TBC1D5: variants seen among roughly 807,000 people sequenced by gnomAD.
The protein encoded by TBC1D5 is TBC1 domain family, member 5.
In TBC1D5, 75 loss-of-function variants were observed where a neutral mutation model predicts 100.3. The ratio of observed to expected loss-of-function variants is 0.75; its 90% CI spans 0.62 to 0.91. TBC1D5 has a LOEUF of 0.91. Ranked by LOEUF, TBC1D5 falls within the 40% of genes least tolerant of loss-of-function variation. The pLI is 0.00. For missense variants in TBC1D5, 910 were observed against 942.4 expected, an observed-to-expected ratio of 0.97 and a Z score of 0.45; for synonymous variants, 323 against 325.6, an observed-to-expected ratio of 0.99 and a Z score of 0.09.
chr3:17,379,548 A>G lies in TBC1D5; in HGVS notation c.613-2935T>C, dbSNP rs540325256. On this transcript the variant is annotated intron_variant, in intron 9 of 21. Coordinates refer to ENST00000253692, the Ensembl canonical transcript of TBC1D5. ...TTTGCTGTGGACACAAAAGTGAATG[A>G]AGTGGGCAAGTTCCTAACTTCGATG... Among the ~76,000 whole-genome samples the G allele has an allele frequency of 2.6e-5, 4 of 152,224 alleles. No homozygotes were observed. In the East Asian group the frequency reaches 5.8e-4, roughly 22 times the overall value.
At chr3:17,715,038 T>C (rs1390276288) in intron 1 of TBC1D5, among the ~76,000 whole-genome samples, 1 of 152,260 alleles carries the variant, frequency 6.6e-6, no homozygotes, top group Non-Finnish European at 1.5e-5. Flanking sequence ...TTACCTCTTA[T>C]GTATTATCAG....
chr3:17,197,701 A>C (rs1030417976), intron 18 of TBC1D5, among the ~76,000 whole-genome samples: 4 of 152,128 alleles, frequency 2.6e-5, no homozygotes, highest in African/African-American at 9.7e-5. Flanking sequence ...ATGTCTTTGC[A>C]TAGCATAGTG....
intron 1 of TBC1D5, chr3:17,706,201 T>C (rs1249359097): frequency 6.4e-7 from 1 of 1,552,126 alleles, no homozygotes; most frequent in African/African-American, 1.4e-5. Context: ...TTCTCCGGCA[T>C]CGCGGCGAGG....
chr3:17,457,729 T>C (rs1459234135), intron 3 of TBC1D5, among the ~76,000 whole-genome samples: 2 of 152,232 alleles, frequency 1.3e-5, no homozygotes, highest in Non-Finnish European at 2.9e-5. Context: ...TCATATGCTT[T>C]TAACTTTTTG....
chr3:17,484,115 C>T (rs182143495), intron 3 of TBC1D5, among the ~76,000 whole-genome samples: 1 of 152,270 alleles, frequency 6.6e-6, no homozygotes, highest in East Asian at 1.9e-4. Flanking sequence ...CTCCTTTTCA[C>T]TCCTAATGTT....
intron 3 of TBC1D5, among the ~76,000 whole-genome samples, chr3:17,499,073 A>T (rs1307084580): frequency 6.6e-6 from 1 of 151,996 alleles, no homozygotes; most frequent in Non-Finnish European, 1.5e-5. Context: ...GTAAAGTTTA[A>T]TTTTTTTCTT....
intron 8 of TBC1D5, among the ~76,000 whole-genome samples, chr3:17,395,632 A>C (rs1215514424): frequency 1.3e-5 from 2 of 152,146 alleles, no homozygotes; most frequent in Non-Finnish European, 2.9e-5. Context: ...ATCTGGGCTC[A>C]TTTAAAACAA....
chr3:17,543,263 T>G (rs2096377107), intron 2 of TBC1D5, among the ~76,000 whole-genome samples: 1 of 152,218 alleles, frequency 6.6e-6, no homozygotes, highest in Admixed American at 6.5e-5. Flanking sequence ...TCCCATAAAT[T>G]CAATGTAAAC....
chr3:17,436,881 CAG>C (rs895296482), intron 3 of TBC1D5, among the ~76,000 whole-genome samples: 7 of 152,202 alleles, frequency 4.6e-5, no homozygotes, highest in African/African-American at 1.7e-4. Context: ...AAATGGGAAA[CAG>C]GGACTAATTT....
intron 19 of TBC1D5, chr3:17,184,519 A>G (rs532723410): frequency 3.3e-5 from 5 of 152,174 alleles, no homozygotes; most frequent in Middle Eastern, 3.4e-3. Context: ...GCTTTTAAAG[A>G]ATTTTTTATT....
chr3:17,592,991 C>T (rs565111058), intron 2 of TBC1D5, among the ~76,000 whole-genome samples: 1 of 152,208 alleles, frequency 6.6e-6, no homozygotes, highest in South Asian at 2.1e-4. Context: ...TAAAGTGGGT[C>T]GTGCACAGAA....
At chr3:17,587,171 TAC>T (rs924957626) in intron 2 of TBC1D5, among the ~76,000 whole-genome samples, 1 of 151,944 alleles carries the variant, frequency 6.6e-6, no homozygotes, top group African/African-American at 2.4e-5. Context: ...TAAATAATCA[TAC>T]ACACAGATAT....
At chr3:17,705,368 G>A (rs1189037506) in intron 1 of TBC1D5, among the ~76,000 whole-genome samples, 2 of 119,876 alleles carry the variant, frequency 1.7e-5, no homozygotes, top group African/African-American at 6.0e-5. Flanking sequence ...CCTCCCTCCC[G>A]GACGGGGTGG....
chr3:17,164,627 C>A (rs1006004901), intron 21 of TBC1D5, among the ~76,000 whole-genome samples: 1 of 152,180 alleles, frequency 6.6e-6, no homozygotes, highest in African/African-American at 2.4e-5. Flanking sequence ...GCCCTCTGTA[C>A]CTCCTCCCAC....
In TBC1D5 at chr3:17,254,344, T is replaced by C. The variant is rs139556670; in HGVS notation, c.1331+4162A>G. On this transcript the variant is annotated intron_variant, in intron 16 of 21. Coordinates refer to ENST00000253692, the Ensembl canonical transcript of TBC1D5. The stretch of plus-strand genomic sequence containing the variant: ...TGCTCACATCAGGAATACATGAGGG[T>C]TCTAATTGCTCCACATCCTTGCCAA... Among the ~76,000 whole-genome samples the C allele has an allele frequency of 2.0e-5, 3 of 152,366 alleles. No homozygotes were observed. In the East Asian group the frequency reaches 5.8e-4, roughly 29 times the overall value.
At chr3:17,272,582 T>C (rs1003708071) in intron 15 of TBC1D5, among the ~76,000 whole-genome samples, 2 of 152,208 alleles carry the variant, frequency 1.3e-5, no homozygotes, top group African/African-American at 4.8e-5. Flanking sequence ...AAAAAACTCA[T>C]TACCATTTTA....
intron 1 of TBC1D5, among the ~76,000 whole-genome samples, chr3:17,713,066 G>A (rs12497320): frequency 0.57 from 86,859 of 151,894 alleles, 25,646 homozygotes; most frequent in East Asian, 0.99. Context: ...TATCTGACGA[G>A]GTCGTCTCCT....
At chr3:17,599,928 C>A (rs1458508417) in intron 2 of TBC1D5, among the ~76,000 whole-genome samples, 2 of 152,238 alleles carry the variant, frequency 1.3e-5, no homozygotes, top group East Asian at 3.9e-4. Flanking sequence ...ACTATATGTC[C>A]CCAAAACCTA....
At chr3:17,408,711 G>T (rs1440186294) in intron 4 of TBC1D5, among the ~76,000 whole-genome samples, 2 of 152,062 alleles carry the variant, frequency 1.3e-5, no homozygotes, top group Admixed American at 1.3e-4. Flanking sequence ...ATACATTAAA[G>T]ACATCATGCC....
Sources: gnomAD v4.1 joint callset for allele counts (sites outside exome capture counted in the v4.1 genomes callset) on GRCh38, gnomAD v4.1.1 for gene constraint, MANE v1.5 for transcripts, NCBI Gene and HGNC (gene_info 2026-07-23, HGNC 2026-07-21) for gene names.